The following ACOXL variants were observed in gnomAD, a reference collection of about 807,000 sequenced individuals.
The protein encoded by ACOXL is acyl-coenzyme A oxidase-like protein.
Under a neutral mutation model 71.9 loss-of-function variants are expected in ACOXL, and 70 were observed. The observed-to-expected ratio is 0.97, with a 90% CI of 0.80 to 1.19. The LOEUF (loss-of-function observed/expected upper bound fraction) is 1.19, where lower values mean the gene tolerates loss of function less well. Among genes scored for constraint, ACOXL ranks in the 50% most tolerant of loss-of-function variants. ACOXL has a pLI of 0.00. For synonymous variants in ACOXL, 253 were observed against 281.6 expected, an observed-to-expected ratio of 0.90 and a Z score of 1.02; for missense variants, 703 against 736.3, an observed-to-expected ratio of 0.95 and a Z score of 0.52.
chr2:110,799,030 C>T lies in ACOXL; in HGVS notation c.477C>T (p.Ile159=), dbSNP rs773085884. 65 of 1,613,766 alleles carry T rather than the reference C, an allele frequency of 4.0e-5. No homozygotes were observed. Among genetic ancestry groups the T allele is most frequent in the Admixed American group, 5.0e-5 (3 of 59,988 alleles). The change falls in exon 7 of 18, where the codon ATC becomes ATT. Residue 159 remains isoleucine, a synonymous_variant. Transcript: ENST00000439055. The stretch of plus-strand genomic sequence containing the variant: ...CTTCCTTAGGGCCCCACTGTTTCAT[C>T]GTTCCTGTCCGGGATGAAAACGGAA... ...DGRSQGPHCF[I]VPVRDENGSL...
chr2:111,096,399 C>G (rs549121791), intron 17 of ACOXL, among the ~76,000 whole-genome samples: 1 of 151,894 alleles, frequency 6.6e-6, no homozygotes, highest in Non-Finnish European at 1.5e-5. Flanking sequence ...CGTGCCACCA[C>G]GCCTAGCTAA....
intron 12 of ACOXL, among the ~76,000 whole-genome samples, chr2:110,939,354 G>C (rs1392381993): frequency 6.6e-6 from 1 of 152,176 alleles, no homozygotes; most frequent in African/African-American, 2.4e-5. Context: ...ATACTTCTCA[G>C]AGATGATTCT....
At chr2:110,741,553 G>T (rs564733593) in intron 1 of ACOXL, among the ~76,000 whole-genome samples, 1 of 152,264 alleles carries the variant, frequency 6.6e-6, no homozygotes, top group African/African-American at 2.4e-5. Flanking sequence ...GTGCACCCGC[G>T]TGTTTGTGTG....
At chr2:111,068,344 C>T (rs1488450891) in intron 16 of ACOXL, among the ~76,000 whole-genome samples, 2 of 152,142 alleles carry the variant, frequency 1.3e-5, no homozygotes, top group African/African-American at 2.4e-5. Flanking sequence ...GAGGCTGGGG[C>T]CGGGTCACAG....
chr2:111,043,946 T>C (rs2065900750), intron 15 of ACOXL, among the ~76,000 whole-genome samples: 1 of 152,186 alleles, frequency 6.6e-6, no homozygotes. Context: ...GGTATTTTAG[T>C]GCCAGGTCTT....
Position 110,810,338 on chromosome 2 carries a change from G to A in ACOXL, c.753+4943G>A, listed in dbSNP as rs1333474547. 7.2e-5 allele frequency among the ~76,000 whole-genome samples: 11 copies of A among 152,120 alleles called. No individual in the cohort carries two copies. In the East Asian group the frequency reaches 1.9e-3, roughly 27 times the overall value. ...ATCATTACTAACACAATCTTTAATG[G>A]GCAGGGATTGTGTTTTTTTATTTAG... On this transcript the variant is annotated intron_variant, in intron 9 of 17. Coordinates refer to ENST00000439055, the MANE Select transcript of ACOXL (RefSeq NM_001142807.4).
intron 16 of ACOXL, among the ~76,000 whole-genome samples, chr2:111,085,257 C>G (rs2068149852): frequency 2.0e-5 from 3 of 152,096 alleles, no homozygotes; most frequent in Admixed American, 6.6e-5. Flanking sequence ...ACTCCCCACC[C>G]AAATACAACA....
intron 1 of ACOXL, among the ~76,000 whole-genome samples, chr2:110,747,829 C>G (rs1361989206): frequency 6.6e-6 from 1 of 152,098 alleles, no homozygotes; most frequent in Non-Finnish European, 1.5e-5. Flanking sequence ...TCCTGTTTCT[C>G]CCTTTACTTC....
intron 17 of ACOXL, among the ~76,000 whole-genome samples, chr2:111,103,058 A>G (rs1437194125): frequency 6.6e-6 from 1 of 152,156 alleles, no homozygotes; most frequent in African/African-American, 2.4e-5. Context: ...TGGGAGGCTG[A>G]GGAGGGCGGA....
At chr2:110,987,304 G>A in intron 13 of ACOXL, 87 bp downstream of exon 13, 1 of 1,270,622 alleles carries the variant, frequency 7.9e-7, no homozygotes, top group African/African-American at 1.5e-5. Flanking sequence ...ACTCACTCTT[G>A]CTTGAAATTT....
chr2:111,081,499 C>T (rs2067914947), intron 16 of ACOXL, among the ~76,000 whole-genome samples: 1 of 152,106 alleles, frequency 6.6e-6, no homozygotes, highest in Non-Finnish European at 1.5e-5. Context: ...GAACTACAAG[C>T]TGCTGCTCAA....
intron 5 of ACOXL, chr2:110,795,923 G>A (rs956883559): frequency 5.3e-5 from 8 of 151,274 alleles, no homozygotes; most frequent in Admixed American, 4.0e-4. Flanking sequence ...GCTACCTGGC[G>A]TGCCTCGGCA....
At chr2:110,868,356 G>T (rs1315117401) in intron 10 of ACOXL, among the ~76,000 whole-genome samples, 2 of 152,154 alleles carry the variant, frequency 1.3e-5, no homozygotes, top group Non-Finnish European at 2.9e-5. Flanking sequence ...CTGGATCTGG[G>T]TGCTCTGGTT....
chr2:111,085,523 A>C (rs1259821473), intron 16 of ACOXL, among the ~76,000 whole-genome samples: 1 of 152,230 alleles, frequency 6.6e-6, no homozygotes, highest in Non-Finnish European at 1.5e-5. Context: ...AAGTTCTTTG[A>C]AACTAATGAG....
intron 1 of ACOXL, among the ~76,000 whole-genome samples, chr2:110,751,803 G>A (rs903066820): frequency 6.6e-6 from 1 of 152,066 alleles, no homozygotes; most frequent in Non-Finnish European, 1.5e-5. Flanking sequence ...AGTTTTGTCT[G>A]TTTTAGAACT....
chr2:111,078,687 C>G (rs774546182), intron 16 of ACOXL, among the ~76,000 whole-genome samples: 3 of 152,196 alleles, frequency 2.0e-5, no homozygotes, highest in African/African-American at 7.2e-5. Context: ...ATTCTAACAT[C>G]TGTGTCATTT....
intron 10 of ACOXL, among the ~76,000 whole-genome samples, chr2:110,904,482 G>C (rs1003380913): frequency 6.6e-6 from 1 of 152,220 alleles, no homozygotes; most frequent in African/African-American, 2.4e-5. Flanking sequence ...GTCAGGCCAG[G>C]CTGGGGCACC....
At chr2:111,008,808 T>A (rs932610287) in intron 14 of ACOXL, among the ~76,000 whole-genome samples, 1 of 152,242 alleles carries the variant, frequency 6.6e-6, no homozygotes, top group Non-Finnish European at 1.5e-5. Flanking sequence ...GCCAGTTTGA[T>A]AGGTGATCAA....
At chr2:110,970,825 A>G (rs1301066916) in intron 12 of ACOXL, among the ~76,000 whole-genome samples, 1 of 152,224 alleles carries the variant, frequency 6.6e-6, no homozygotes, top group Non-Finnish European at 1.5e-5. Flanking sequence ...ATCTAACTCA[A>G]AATGAATTAC....
Sources: gnomAD v4.1 joint callset for allele counts (sites outside exome capture counted in the v4.1 genomes callset) on GRCh38, gnomAD v4.1.1 for gene constraint, MANE v1.5 for transcripts, NCBI Gene and HGNC (gene_info 2026-07-23, HGNC 2026-07-21) for gene names.